WDPCP: variants seen among roughly 807,000 people sequenced by gnomAD.
The protein encoded by WDPCP is WD repeat containing planar cell polarity effector.
Under a neutral mutation model 93.1 loss-of-function variants are expected in WDPCP, and 71 were observed. That is an observed-to-expected ratio of 0.76 (90% confidence interval 0.63 to 0.93). The LOEUF (loss-of-function observed/expected upper bound fraction) is 0.93, where lower values mean the gene tolerates loss of function less well. WDPCP is among the 40% of genes least tolerant of loss of function. WDPCP has a pLI of 0.00. For synonymous variants in WDPCP, 315 were observed against 315.0 expected (o/e 1.00, Z 0.00); for missense variants, 844 against 887.4 (o/e 0.95, Z 0.62).
chr2:63,153,162 A>G, intron 16 of WDPCP: 1 of 591,474 alleles, frequency 1.7e-6, no homozygotes, highest in Non-Finnish European at 3.0e-6. Flanking sequence ...AGTATTTACT[A>G]TGTACAGTAT....
chr2:63,764,428 T>A (rs1670108350), intron 2 of WDPCP, among the ~76,000 whole-genome samples: 1 of 152,140 alleles, frequency 6.6e-6, no homozygotes, highest in African/African-American at 2.4e-5. Flanking sequence ...AGCAGGTGTA[T>A]CTCTGCATAG....
intron 15 of WDPCP, among the ~76,000 whole-genome samples, chr2:63,154,361 A>G (rs1167998448): frequency 2.0e-5 from 3 of 152,080 alleles, no homozygotes; most frequent in Non-Finnish European, 4.4e-5. Context: ...CTTCATAACT[A>G]TAGTTTTGAC....
At chr2:63,146,208 G>T (rs76615669) in intron 17 of WDPCP, among the ~76,000 whole-genome samples, 1 of 152,098 alleles carries the variant, frequency 6.6e-6, no homozygotes, top group Non-Finnish European at 1.5e-5. Context: ...TCTTTCTCTT[G>T]CCTGGTTGCT....
intron 6 of WDPCP, among the ~76,000 whole-genome samples, chr2:63,484,211 A>G (rs1700433274): frequency 6.6e-6 from 1 of 151,998 alleles, no homozygotes; most frequent in South Asian, 2.1e-4. Context: ...TGATTTGCAT[A>G]AGCAATGATA....
At chr2:63,357,613 C>T (rs1690115653) in intron 12 of WDPCP, among the ~76,000 whole-genome samples, 1 of 152,102 alleles carries the variant, frequency 6.6e-6, no homozygotes, top group Admixed American at 6.5e-5. Context: ...ACAACAGATG[C>T]TGGCAAGGTT....
intron 1 of WDPCP, chr2:63,571,680 G>A (rs564974159): frequency 5.0e-4 from 232 of 461,830 alleles, no homozygotes; most frequent in African/African-American, 2.8e-3. Context: ...GAAGTGGCTC[G>A]TATTTTAAGA....
intron 2 of WDPCP, among the ~76,000 whole-genome samples, chr2:63,712,930 C>G (rs1669283704): frequency 6.6e-6 from 1 of 152,196 alleles, no homozygotes; most frequent in Non-Finnish European, 1.5e-5. Context: ...CAGGGCTGAA[C>G]TATTATAGAC....
intron 6 of WDPCP, among the ~76,000 whole-genome samples, chr2:63,465,089 A>G (rs1315268191): frequency 6.6e-6 from 1 of 152,046 alleles, no homozygotes; most frequent in Non-Finnish European, 1.5e-5. Context: ...TTTTACTGAA[A>G]AAAAAGCTGA....
At chr2:63,127,541 G>A (rs1669997714) in intron 17 of WDPCP, among the ~76,000 whole-genome samples, 1 of 151,642 alleles carries the variant, frequency 6.6e-6, no homozygotes, top group Admixed American at 6.6e-5. Context: ...ATAAACTTAT[G>A]ATAGAAGTAG....
intron 12 of WDPCP, among the ~76,000 whole-genome samples, chr2:63,326,713 A>T (rs1687583266): frequency 6.6e-6 from 1 of 151,926 alleles, no homozygotes; most frequent in Non-Finnish European, 1.5e-5. Context: ...ACAGACAGAA[A>T]GTCAGAGAGA....
chr2:63,601,044 A>G (rs972070306), intron 3 of WDPCP, among the ~76,000 whole-genome samples: 2 of 152,192 alleles, frequency 1.3e-5, no homozygotes, highest in Non-Finnish European at 2.9e-5. Flanking sequence ...AACAGTTCTC[A>G]CTGCAGGGCT....
intron 2 of WDPCP, among the ~76,000 whole-genome samples, chr2:63,695,886 T>C (rs899529107): frequency 6.6e-6 from 1 of 152,174 alleles, no homozygotes; most frequent in Non-Finnish European, 1.5e-5. Flanking sequence ...CAACTATTTT[T>C]ATCTAGTGTC....
At chr2:63,341,399 G>C (rs1041143235) in intron 12 of WDPCP, among the ~76,000 whole-genome samples, 1 of 152,202 alleles carries the variant, frequency 6.6e-6, no homozygotes, top group Non-Finnish European at 1.5e-5. Flanking sequence ...AAAGTGCTGG[G>C]ATTACAGGCG....
chr2:63,331,169 C>T (rs755572110), intron 12 of WDPCP, among the ~76,000 whole-genome samples: 2 of 152,028 alleles, frequency 1.3e-5, no homozygotes, highest in East Asian at 3.9e-4. Context: ...TTAAAGCCAT[C>T]GGCCATATTT....
chr2:63,518,571 A>G (rs1702707301), intron 1 of WDPCP: 1 of 152,566 alleles, frequency 6.6e-6, no homozygotes, highest in Non-Finnish European at 1.5e-5. Context: ...GTGTGGGAAC[A>G]TCTGTAGTGG....
chr2:63,760,376 C>A (rs903389490), intron 2 of WDPCP, among the ~76,000 whole-genome samples: 2 of 151,946 alleles, frequency 1.3e-5, no homozygotes, highest in African/African-American at 2.4e-5. Flanking sequence ...TAACACAGAG[C>A]GTTTACACAC....
chr2:63,812,863 T>C (rs1345637428), intron 2 of WDPCP, among the ~76,000 whole-genome samples: 1 of 151,982 alleles, frequency 6.6e-6, no homozygotes, highest in Admixed American at 6.6e-5. Flanking sequence ...TCACGTAAGT[T>C]TTAGAAAAAA....
At chr2:63,432,299 C>T (rs1257743045) in intron 9 of WDPCP, among the ~76,000 whole-genome samples, 1 of 152,174 alleles carries the variant, frequency 6.6e-6, no homozygotes, top group Non-Finnish European at 1.5e-5. Flanking sequence ...TAACATCTCT[C>T]TAAGTAGAAT....
At chr2:63,225,177 G>A (rs955576310) in intron 14 of WDPCP, among the ~76,000 whole-genome samples, 1 of 151,812 alleles carries the variant, frequency 6.6e-6, no homozygotes, top group Non-Finnish European at 1.5e-5. Flanking sequence ...TTTGTATAAG[G>A]AATATATGAA....
Sources: allele counts gnomAD v4.1 joint callset (sites outside exome capture counted in the v4.1 genomes callset), GRCh38; gene constraint gnomAD v4.1.1; transcripts MANE v1.5; gene names NCBI Gene and HGNC (gene_info 2026-07-23, HGNC 2026-07-21).